SCARB2: variants seen among roughly 807,000 people sequenced by gnomAD.
SCARB2 encodes scavenger receptor class B member 2.
A neutral mutation model predicts 58.6 loss-of-function variants in SCARB2; 29 were observed. The observed-to-expected ratio is 0.49, with a 90% confidence interval of 0.37 to 0.67. SCARB2 has a LOEUF of 0.67. SCARB2 is among the 30% of genes least tolerant of loss of function. SCARB2 has a pLI of 0.00. For synonymous variants in SCARB2, 195 were observed against 210.1 expected (o/e 0.93, Z 0.62); for missense variants, 488 against 578.5 (o/e 0.84, Z 1.60).
chr4:76,168,444 C>T lies in SCARB2; in HGVS notation c.1146G>A (p.Arg382=). The stretch of plus-strand genomic sequence containing the variant: ...TTTTGACATAAATGTTGATTTGGAA[C>T]CTCTTGGCTGCTTTTAGGATTATTC... ...LTGIILKAAK[R]FQINIYVKKL... The change falls in exon 9 of 12, where the codon AGG becomes AGA. Residue 382 remains arginine (R), a synonymous_variant. Transcript: ENST00000264896. 1 of 1,614,152 alleles carries T rather than the reference C, an allele frequency of 6.2e-7. No homozygotes were observed. The highest frequency in any genetic ancestry group is 8.5e-7 in the Non-Finnish European group (1 of 1,179,998).
intron 1 of SCARB2, among the ~76,000 whole-genome samples, chr4:76,210,254 T>C (rs1322917607): frequency 6.6e-6 from 1 of 152,184 alleles, no homozygotes; most frequent in Admixed American, 6.5e-5. Context: ...ATCCTTAGGA[T>C]TTGAGGGATT....
chr4:76,215,054 G>A (rs1312196938), upstream of SCARB2, among the ~76,000 whole-genome samples: 6 of 152,264 alleles, frequency 3.9e-5, no homozygotes, highest in African/African-American at 7.2e-5. Context: ...CCCAGAAAGA[G>A]GCCCGCCTTA....
intron 1 of SCARB2, among the ~76,000 whole-genome samples, chr4:76,201,578 G>A (rs1291862485): frequency 6.6e-6 from 1 of 152,194 alleles, no homozygotes; most frequent in East Asian, 1.9e-4. Flanking sequence ...TAAATAATAT[G>A]TAAGAAAGGT....
chr4:76,189,344 T>G (rs573106226), intron 2 of SCARB2, among the ~76,000 whole-genome samples: 1 of 152,336 alleles, frequency 6.6e-6, no homozygotes, highest in African/African-American at 2.4e-5. Flanking sequence ...AGAGGTTTAA[T>G]TGACTCACAG....
At position 76,210,029 on chromosome 4, in the gene SCARB2, G is replaced by A. The variant is rs9994914; in HGVS notation, c.117+3398C>T. ...TGCATAGCTGCTCTTAAAGGTCATG[G>A]GATCTCAGAAGTTTGGAGCTAAGAG... On this transcript the variant is annotated intron_variant, in intron 1 of 11. Transcript: ENST00000264896. Among the ~76,000 whole-genome samples the A allele has an allele frequency of 6.5e-3, 986 of 152,276 alleles. 7 individuals are homozygous for A. The highest frequency in any genetic ancestry group is 0.022 in the African/African-American group (928 of 41,538).
intron 1 of SCARB2, among the ~76,000 whole-genome samples, chr4:76,226,860 T>C (rs965668791): frequency 6.6e-6 from 1 of 152,214 alleles, no homozygotes; most frequent in African/African-American, 2.4e-5. Flanking sequence ...TCTGTGATAT[T>C]GGTTGTAATA....
At chr4:76,167,901 T>C (rs948138700) in intron 9 of SCARB2, among the ~76,000 whole-genome samples, 3 of 152,056 alleles carry the variant, frequency 2.0e-5, no homozygotes, top group South Asian at 4.1e-4. Flanking sequence ...AGGATGGTCT[T>C]GATCTCCTGA....
In SCARB2 at chr4:76,182,266, AT is replaced by A. The variant is rs550233563; in HGVS notation, c.276-1166del. On this transcript the variant is annotated intron_variant, in intron 2 of 11. Coordinates refer to ENST00000264896, the MANE Select transcript of SCARB2 (RefSeq NM_005506.4). ...GTCTGACATGGTAGCCACTAGTCAC[AT>A]GTGACTACTGAGTACTTAAACTGTG... is the stretch of plus-strand genomic sequence containing the variant. Among the ~76,000 whole-genome samples the A allele has an allele frequency of 3.3e-5, 5 of 152,276 alleles. No individual in the cohort carries two copies. The South Asian group carries it at 1.0e-3, about 32-fold the overall frequency.
intron 9 of SCARB2, chr4:76,166,590 A>G: frequency 4.0e-6 from 2 of 500,580 alleles, no homozygotes; most frequent in Non-Finnish European, 7.3e-6. Flanking sequence ...AGTCGACAGA[A>G]CAAAACTGTC....
At chr4:76,182,604 T>C (rs1250094196) in intron 2 of SCARB2, among the ~76,000 whole-genome samples, 1 of 152,186 alleles carries the variant, frequency 6.6e-6, no homozygotes, top group Non-Finnish European at 1.5e-5. Context: ...CTCTGAGGCC[T>C]TTCCCAACCA....
intron 1 of SCARB2, among the ~76,000 whole-genome samples, chr4:76,231,009 C>A (rs1444553355): frequency 6.6e-6 from 1 of 152,106 alleles, no homozygotes; most frequent in African/African-American, 2.4e-5. Flanking sequence ...AGGGCTTTGA[C>A]CCAAAGCTTG....
At chr4:76,176,755 A>G (rs1732259016) in intron 4 of SCARB2, 1 of 441,248 alleles carries the variant, frequency 2.3e-6, no homozygotes. Context: ...AAGCAAAAAC[A>G]GAGGTTTCTT....
In SCARB2 at chr4:76,187,462, C is replaced by T. The variant is rs549411068; in HGVS notation, c.276-6361G>A. Among the ~76,000 whole-genome samples, 4 of 152,162 alleles carry T rather than the reference C, an allele frequency of 2.6e-5. No individual in the cohort carries two copies. The South Asian group carries it at 6.2e-4, about 24-fold the overall frequency. On this transcript the variant is annotated intron_variant, in intron 2 of 11. Transcript: ENST00000264896. ...AGGTAACCAGAGGAGAAAATGAAAA[C>T]GGATCTACATGTTCAGGAAAGGAAC...
chr4:76,190,779 G>A (rs1732589048), intron 2 of SCARB2, among the ~76,000 whole-genome samples: 1 of 151,734 alleles, frequency 6.6e-6, no homozygotes, highest in South Asian at 2.1e-4. Context: ...ATGAGACTCT[G>A]TCTCAAAAAC....
intron 9 of SCARB2, 76 bp downstream of exon 9, chr4:76,168,327 C>T: frequency 9.0e-7 from 1 of 1,113,536 alleles, no homozygotes; most frequent in Non-Finnish European, 1.4e-6. Context: ...AGGCTGTACT[C>T]CTCCTGACAT....
At position 76,228,090 on chromosome 4, in the gene SCARB2, C is replaced by CTTT. The variant is rs71659315; in HGVS notation, c.-358+6210_-358+6212dup. Among the ~76,000 whole-genome samples the CTTT allele has an allele frequency of 5.3e-5, 8 of 150,250 alleles. No individual in the cohort carries two copies. The South Asian group carries it at 6.3e-4, about 12-fold the overall frequency. On this transcript the variant is annotated intron_variant, in intron 1 of 11. Transcript: ENST00000638295. ...ATTGTGCTAGTTGGTGCCTGAATACCTTTTTTTTTCATTGTGTTGTTGTTT... is the reference window on the plus strand; with the variant it reads ...ATTGTGCTAGTTGGTGCCTGAATACCTTTTTTTTTTTTCATTGTGTTGTTGTTT...
chr4:76,188,272 A>C (rs1349457637), intron 2 of SCARB2, among the ~76,000 whole-genome samples: 1 of 152,254 alleles, frequency 6.6e-6, no homozygotes, highest in Non-Finnish European at 1.5e-5. Context: ...AAGGATCATG[A>C]GGCCAATGAG....
chr4:76,218,320 A>G (rs888504525), upstream of SCARB2, among the ~76,000 whole-genome samples: 23 of 152,220 alleles, frequency 1.5e-4, no homozygotes, highest in African/African-American at 5.5e-4. Context: ...ATAAGAAAAA[A>G]TTACTCTCTC....
In SCARB2 at chr4:76,161,498, CAATTTCA is replaced by C. The variant is rs1291862058; in HGVS notation, c.*208_*214del. 3.3e-6 allele frequency: 2 copies of C among 600,060 alleles called. No homozygotes were observed. The allele number at this position is 600,060 out of a possible 1,614,324, so 37.2% of individuals were successfully genotyped here. On this transcript the variant is annotated 3_prime_UTR_variant, in exon 12 of 12. Coordinates refer to ENST00000264896, the MANE Select transcript of SCARB2 (RefSeq NM_005506.4). ...AATACTTGCTAGACACATAAAAGAA[CAATTTCA>C]GAGCCCACATGATTTTATAAAGCTT...
Sources: allele counts gnomAD v4.1 joint callset (sites outside exome capture counted in the v4.1 genomes callset), GRCh38; gene constraint gnomAD v4.1.1; transcripts MANE v1.5; gene names NCBI Gene and HGNC (gene_info 2026-07-23, HGNC 2026-07-21).